Variants in POLR3H observed in about 807,000 individuals in gnomAD.
POLR3H encodes RNA polymerase III subunit H.
A neutral mutation model predicts 25.5 loss-of-function variants in POLR3H; 17 were observed. The ratio of observed to expected loss-of-function variants is 0.67; its 90% CI spans 0.46 to 1.00. POLR3H has a LOEUF of 1.00. Among genes scored for constraint, POLR3H ranks in the 50% least tolerant of loss-of-function variants. POLR3H has a pLI of 0.00. For missense variants in POLR3H, 274 were observed against 265.0 expected (o/e 1.03, Z -0.24); for synonymous variants, 129 against 103.0 (o/e 1.25, Z -1.53).
At position 41,544,422 on chromosome 22, in the gene POLR3H, A is replaced by G. The variant is rs568806410; in HGVS notation, c.-321T>C. ...CGCGCCACGTGCCGCCGCTCGTATC[A>G]CGCACCACGCACCACGCACCGCGCA... is the stretch of plus-strand genomic sequence containing the variant. On this transcript the variant is annotated 5_prime_UTR_variant, in exon 1 of 6. Transcript: ENST00000355209. 836 of 187,002 alleles carry G rather than the reference A, an allele frequency of 4.5e-3. 2 individuals are homozygous for G. Among genetic ancestry groups the G allele is most frequent in the Admixed American group, 9.6e-3 (133 of 13,892 alleles). 11.6% of individuals were successfully genotyped at this position (187,002 alleles called of 1,614,324 possible).
intron 2 of POLR3H, among the ~76,000 whole-genome samples, chr22:41,535,629 C>T (rs998376920): frequency 1.3e-5 from 2 of 152,104 alleles, no homozygotes; most frequent in Non-Finnish European, 2.9e-5. Flanking sequence ...GAGTTTGAGA[C>T]CAGCCTGGCC....
chr22:41,534,723 C>G (rs2066811751), intron 2 of POLR3H, among the ~76,000 whole-genome samples: 1 of 151,932 alleles, frequency 6.6e-6, no homozygotes, highest in Non-Finnish European at 1.5e-5. Flanking sequence ...GAAACCCCGT[C>G]TCTACTAAAA....
intron 4 of POLR3H, among the ~76,000 whole-genome samples, chr22:41,531,720 C>T (rs949963643): frequency 2.0e-5 from 3 of 152,264 alleles, no homozygotes; most frequent in Non-Finnish European, 2.9e-5. Flanking sequence ...GGCAAGGCCT[C>T]ACGTCCCAGG....
chr22:41,532,862 T>G, intron 2 of POLR3H, 117 bp from the exon 3 acceptor site: 1 of 1,107,644 alleles, frequency 9.0e-7, no homozygotes, highest in Non-Finnish European at 1.3e-6. Context: ...CACATCCCCC[T>G]GCAAGCCTAG....
chr22:41,526,837 C>G lies in POLR3H; in HGVS notation c.*2446G>C. Reference sequence around the variant, plus strand: ...ATTGGACTTTTTCTGCTTTGAGAAACAAACAGAACCAGGGCTGAACCCAAG... The same window carrying G: ...ATTGGACTTTTTCTGCTTTGAGAAAGAAACAGAACCAGGGCTGAACCCAAG... On this transcript the variant is annotated 3_prime_UTR_variant, in exon 6 of 6. Transcript: ENST00000355209. 1 of 292,696 alleles carries G rather than the reference C, an allele frequency of 3.4e-6. No individual in the cohort carries two copies. Among genetic ancestry groups the G allele is most frequent in the Non-Finnish European group, 6.4e-6 (1 of 155,534 alleles). The allele number at this position is 292,696 out of a possible 1,614,324, so 18.1% of individuals were successfully genotyped here.
Position 41,527,184 on chromosome 22 carries a change from C to G in POLR3H, c.*2099G>C. The G allele has an allele frequency of 1.3e-6, 2 of 1,567,300 alleles. No individual in the cohort carries two copies. The highest frequency in any genetic ancestry group is 1.7e-6 in the Non-Finnish European group (2 of 1,146,014). On this transcript the variant is annotated 3_prime_UTR_variant, in exon 6 of 6. Coordinates refer to ENST00000355209, the MANE Select transcript of POLR3H (RefSeq NM_001018050.4). Reference sequence around the variant, plus strand: ...CCTCCAGCCCCTTTACCGGGAGCCTCAGGATGCCCAGGCGCCAGGTGGGTG... The same window carrying G: ...CCTCCAGCCCCTTTACCGGGAGCCTGAGGATGCCCAGGCGCCAGGTGGGTG...
chr22:41,529,526 G>A, intron 5 of POLR3H, 190 bp from the exon 6 acceptor site: 1 of 666,322 alleles, frequency 1.5e-6, no homozygotes, highest in South Asian at 1.6e-5. Flanking sequence ...GCAGGGCGCA[G>A]ACCCTTCTCC....
At position 41,532,664 on chromosome 22, in the gene POLR3H, A is replaced by C; in HGVS notation, c.290T>G (p.Val97Gly). ...GKIKGCSPEG[V>G]HVSLGFFDDI... The stretch of plus-strand genomic sequence containing the variant: ...GGCGTCAGGGCCACTGTTACCGTGC[A>C]CTCCTTCTGGGCTGCAGCCTTTGAT... The change falls in exon 3 of 6, where the codon GTG becomes GGG. Residue 97 changes from valine (V) to glycine (G), a missense_variant. Physicochemically the swap from Val to Gly is moderately radical, Grantham distance 109 (BLOSUM62 -3). Transcript: ENST00000355209. The C allele has an allele frequency of 6.2e-7, 1 of 1,613,712 alleles. No homozygotes were observed.
rs1264253723 is a variant in POLR3H at position 41,530,833 on chromosome 22, C to G, written c.415G>C (p.Asp139His). Residue 139 changes from aspartate (D) to histidine (H), a missense_variant, in exon 5 of 6, where the codon GAC (aspartate) becomes CAC (histidine). Asp to His is a moderately conservative substitution (Grantham distance 81, BLOSUM62 -1). Transcript: ENST00000355209. ...WEYETEEGAH[D>H]LYMDTGEEIR... The stretch of plus-strand genomic sequence containing the variant: ...TCCTCGCCGGTGTCCATGTAGAGGT[C>G]GTGTGCTCCTTCCTCCGTCTCGTAC... The G allele has an allele frequency of 6.2e-7, 1 of 1,614,062 alleles. No individual in the cohort carries two copies. Among genetic ancestry groups the G allele is most frequent in the Non-Finnish European group, 8.5e-7 (1 of 1,180,006 alleles).
In POLR3H at chr22:41,526,349, C is replaced by T. The variant is rs2066595648; in HGVS notation, c.*2934G>A. 1 of 1,613,432 alleles carries T rather than the reference C, an allele frequency of 6.2e-7. No individual in the cohort carries two copies. Among genetic ancestry groups the T allele is most frequent in the African/African-American group, 1.3e-5 (1 of 74,936 alleles). On this transcript the variant is annotated 3_prime_UTR_variant, in exon 6 of 6. Transcript: ENST00000355209. ...GCACTTGGATAACATCTCCAACAACCTGCTCATTGGTGCCATCAACATTGA... is the reference window on the plus strand; with the variant it reads ...GCACTTGGATAACATCTCCAACAACTTGCTCATTGGTGCCATCAACATTGA...
chr22:41,536,518 T>C (rs2066849062), intron 2 of POLR3H, among the ~76,000 whole-genome samples: 1 of 151,504 alleles, frequency 6.6e-6, no homozygotes, highest in African/African-American at 2.4e-5. Flanking sequence ...TATGTATATT[T>C]TACCACAATA....
In POLR3H at chr22:41,527,961, A is replaced by G. The variant is rs1192448800; in HGVS notation, c.*1322T>C. On this transcript the variant is annotated 3_prime_UTR_variant, in exon 6 of 6. Coordinates refer to ENST00000355209, the MANE Select transcript of POLR3H (RefSeq NM_001018050.4). ...ACCTTCGCTGACCCGGCTGACTACA[A>G]CAAGATTCACCCTGTGGACAAGCTG... The G allele has an allele frequency of 6.2e-7, 1 of 1,614,068 alleles. No individual in the cohort carries two copies. The highest frequency in any genetic ancestry group is 1.3e-5 in the African/African-American group (1 of 74,932).
intron 2 of POLR3H, among the ~76,000 whole-genome samples, chr22:41,534,717 C>G (rs1405375677): frequency 6.6e-6 from 1 of 151,968 alleles, no homozygotes. Context: ...CATAGTGAAA[C>G]CCCGTCTCTA....
At position 41,526,360 on chromosome 22, in the gene POLR3H, T is replaced by C. The variant is rs1441596770; in HGVS notation, c.*2923A>G. The C allele has an allele frequency of 6.2e-7, 1 of 1,613,668 alleles. No homozygotes were observed. Among genetic ancestry groups the C allele is most frequent in the South Asian group, 1.1e-5 (1 of 91,054 alleles). ...ACATCTCCAACAACCTGCTCATTGG[T>C]GCCATCAACATTGAAAACGGCAAGG... On this transcript the variant is annotated 3_prime_UTR_variant, in exon 6 of 6. Coordinates refer to ENST00000355209, the MANE Select transcript of POLR3H (RefSeq NM_001018050.4).
intron 2 of POLR3H, among the ~76,000 whole-genome samples, chr22:41,537,837 T>G (rs924812816): frequency 6.6e-6 from 1 of 152,028 alleles, no homozygotes; most frequent in Non-Finnish European, 1.5e-5. Flanking sequence ...AGACGGGGTC[T>G]CTCTCTGTCA....
chr22:41,538,395 G>A (rs2066881881), intron 2 of POLR3H, among the ~76,000 whole-genome samples: 1 of 152,074 alleles, frequency 6.6e-6, no homozygotes, highest in Non-Finnish European at 1.5e-5. Flanking sequence ...CAAAGTGCTG[G>A]GATTACAGAA....
In POLR3H at chr22:41,528,621, G is replaced by A. The variant is rs1297390875; in HGVS notation, c.*662C>T. ...AAGGAACTGCAACAGTGAGGGCAGT[G>A]CCTCCCCGCCCCGCCGCTGGCGTCA... On this transcript the variant is annotated 3_prime_UTR_variant, in exon 6 of 6. Transcript: ENST00000355209. 1 of 1,545,952 alleles carries A rather than the reference G, an allele frequency of 6.5e-7. No homozygotes were observed. The highest frequency in any genetic ancestry group is 8.7e-7 in the Non-Finnish European group (1 of 1,150,608).
At chr22:41,543,407 C>G (rs1327320368) in intron 1 of POLR3H, among the ~76,000 whole-genome samples, 1 of 152,114 alleles carries the variant, frequency 6.6e-6, no homozygotes, top group African/African-American at 2.4e-5. Flanking sequence ...GCGGGGGGAT[C>G]AAGAGATCGA....
At position 41,529,110 on chromosome 22, in the gene POLR3H, G is replaced by A; in HGVS notation, c.*173C>T. On this transcript the variant is annotated 3_prime_UTR_variant, in exon 6 of 6. Transcript: ENST00000355209. ...TGGATCCATCACTGCAGTGAAGGAG[G>A]AGCAGGGCCTAGATGGTGGAGGAGC... is the stretch of plus-strand genomic sequence containing the variant. 1.6e-6 allele frequency: 1 copy of A among 608,786 alleles called. No individual in the cohort carries two copies. The highest frequency in any genetic ancestry group is 2.9e-6 in the Non-Finnish European group (1 of 344,458). 37.7% of individuals were successfully genotyped at this position (608,786 alleles called of 1,614,324 possible).
Sources: gnomAD v4.1 joint callset for allele counts (sites outside exome capture counted in the v4.1 genomes callset) on GRCh38, gnomAD v4.1.1 for gene constraint, MANE v1.5 for transcripts, NCBI Gene and HGNC (gene_info 2026-07-23, HGNC 2026-07-21) for gene names.